The following MIAT variants were observed in gnomAD, a reference collection of about 807,000 sequenced individuals.
MIAT encodes the protein MI related novel mRNA.
intron 3 of MIAT, among the ~76,000 whole-genome samples, chr22:26,664,856 C>T (rs894809260): frequency 6.6e-5 from 10 of 152,224 alleles, no homozygotes; most frequent in Admixed American, 2.0e-4. Flanking sequence ...ATATCACACA[C>T]AGATTTACTT....
intron 2 of MIAT, among the ~76,000 whole-genome samples, chr22:26,648,238 G>A (rs925785186): frequency 5.3e-5 from 8 of 152,136 alleles, no homozygotes; most frequent in Admixed American, 2.0e-4. Context: ...GGTGCAGGGC[G>A]TCTGGAGGGG....
downstream of MIAT, chr22:26,673,676 TGGC>T: frequency 5.0e-6 from 2 of 397,710 alleles, no homozygotes. Context: ...GGTTTGAACT[TGGC>T]TAACACAGGT....
At chr22:26,667,677 CT>C (rs1163664374) in intron 5 of MIAT, 14 of 181,438 alleles carry the variant, frequency 7.7e-5, no homozygotes, top group South Asian at 2.0e-4. Context: ...TTTTAGACAA[CT>C]TTTTTTTCCT....
downstream of MIAT, chr22:26,672,156 C>A (rs1931071030): frequency 2.5e-6 from 1 of 399,860 alleles, no homozygotes. Context: ...CTGAGGTGCC[C>A]TGTCCGCTGG....
chr22:26,652,597 C>A (rs1233744964), intron 2 of MIAT, among the ~76,000 whole-genome samples: 1 of 152,134 alleles, frequency 6.6e-6, no homozygotes, highest in African/African-American at 2.4e-5. Context: ...ATCTTGTGAT[C>A]TGCCCCCCTC....
At chr22:26,665,982 G>A (rs1369672202) in exon 4 of MIAT, 1 of 398,502 alleles carries the variant, frequency 2.5e-6, no homozygotes. Flanking sequence ...TCAGCACTTT[G>A]TGATCATATT....
rs1269405806 is a variant in MIAT, at chr22:26,662,710, C to T, written n.647-606C>T. On this transcript the variant is annotated intron_variant and non_coding_transcript_variant, in intron 2 of 5. Transcript: ENST00000643270. Reference sequence around the variant, plus strand: ...CATCCAAGGCAATTTGGGCCAACATCTCTTGTACGTCTCAGATCTCCGAGT... The same window carrying T: ...CATCCAAGGCAATTTGGGCCAACATTTCTTGTACGTCTCAGATCTCCGAGT... Among the ~76,000 whole-genome samples the T allele has an allele frequency of 3.3e-5, 5 of 152,208 alleles. No individual in the cohort carries two copies. In the East Asian group the frequency reaches 9.6e-4, roughly 29 times the overall value.
intron 2 of MIAT, among the ~76,000 whole-genome samples, chr22:26,654,274 G>T (rs559787589): frequency 6.6e-6 from 1 of 152,256 alleles, no homozygotes; most frequent in African/African-American, 2.4e-5. Flanking sequence ...CTTGGAGATA[G>T]GATCATAGAT....
chr22:26,672,606 A>G, downstream of MIAT: 1 of 399,204 alleles, frequency 2.5e-6, no homozygotes, highest in Non-Finnish European at 4.4e-6. Context: ...GCTGGGGAAG[A>G]ATCCTCTCCA....
At chr22:26,665,601 A>C (rs182507396) in exon 4 of MIAT, 1 of 398,864 alleles carries the variant, frequency 2.5e-6, no homozygotes, top group East Asian at 3.6e-5. Flanking sequence ...TCACAACCAC[A>C]CTGAGAAGCA....
At chr22:26,650,941 A>C in intron 2 of MIAT, among the ~76,000 whole-genome samples, 1 of 152,070 alleles carries the variant, frequency 6.6e-6, no homozygotes, top group East Asian at 1.9e-4. Context: ...TTTCCTTACC[A>C]GTTGGAGATG....
chr22:26,663,784 G>C (rs1028229667), intron 3 of MIAT, among the ~76,000 whole-genome samples: 2 of 152,076 alleles, frequency 1.3e-5, no homozygotes, highest in African/African-American at 4.8e-5. Context: ...ACATTTCAAT[G>C]TGTTTTGACA....
chr22:26,666,983 G>C, intron 4 of MIAT: 1 of 398,460 alleles, frequency 2.5e-6, no homozygotes, highest in Non-Finnish European at 4.4e-6. Flanking sequence ...AGGTCACATG[G>C]AGCTTGGTTT....
At chr22:26,674,785 ACC>A in exon 5 of MIAT, 2 of 398,654 alleles carry the variant, frequency 5.0e-6, no homozygotes, top group Non-Finnish European at 8.8e-6. Flanking sequence ...GGAAGCTCAC[ACC>A]TCCTATTCCT....
chr22:26,673,720 G>A (rs553421837), downstream of MIAT: 5 of 398,744 alleles, frequency 1.3e-5, no homozygotes, highest in African/African-American at 1.0e-4. Flanking sequence ...GAAAAGCATA[G>A]CTAACAATTT....
At chr22:26,649,680 T>C (rs188346663) in intron 2 of MIAT, among the ~76,000 whole-genome samples, 2 of 152,352 alleles carry the variant, frequency 1.3e-5, no homozygotes, top group East Asian at 3.9e-4. Context: ...TTTGGGACAC[T>C]GAGGCGGGTG....
intron 2 of MIAT, among the ~76,000 whole-genome samples, chr22:26,651,774 T>A (rs1023437074): frequency 6.6e-6 from 1 of 152,036 alleles, no homozygotes; most frequent in African/African-American, 2.4e-5. Flanking sequence ...TTATGCCGAG[T>A]GAAAGAAGCC....
intron 2 of MIAT, among the ~76,000 whole-genome samples, chr22:26,659,683 A>C (rs1930587922): frequency 6.6e-6 from 1 of 151,884 alleles, no homozygotes; most frequent in East Asian, 1.9e-4. Context: ...TAAAATAAAT[A>C]AGTAAAAATA....
exon 5 of MIAT, chr22:26,675,874 T>C (rs1029098927): frequency 2.5e-5 from 10 of 398,544 alleles, no homozygotes; most frequent in Non-Finnish European, 4.4e-5. Context: ...GTAATGAACC[T>C]TTTGTTCCCA....
Sources: gnomAD v4.1 joint callset for allele counts (sites outside exome capture counted in the v4.1 genomes callset) on GRCh38, gnomAD v4.1.1 for gene constraint, MANE v1.5 for transcripts, NCBI Gene and HGNC (gene_info 2026-07-23, HGNC 2026-07-21) for gene names.